The following PGAP3 variants were observed in gnomAD, a reference collection of about 807,000 sequenced individuals.
PGAP3 encodes GPI-specific phospholipase A2-like PGAP3.
A neutral mutation model predicts 40.3 loss-of-function variants in PGAP3; 31 were observed. That is an observed-to-expected ratio of 0.77 (90% CI 0.58 to 1.04). PGAP3 has a LOEUF of 1.04. Among genes scored for constraint, PGAP3 ranks in the 50% least tolerant of loss-of-function variants. The pLI is 0.00. For synonymous variants in PGAP3, 191 were observed against 184.5 expected (o/e 1.04, Z -0.29); for missense variants, 413 against 423.0 (o/e 0.98, Z 0.21).
intron 2 of PGAP3, 83 bp downstream of exon 2, chr17:39,685,839 T>A: frequency 7.7e-7 from 1 of 1,292,540 alleles, no homozygotes; most frequent in Admixed American, 1.9e-5. Flanking sequence ...TGCCTCAGAC[T>A]GCTTGGACAG....
intron 3 of PGAP3, among the ~76,000 whole-genome samples, chr17:39,678,201 T>C (rs560329393): frequency 6.6e-6 from 1 of 152,332 alleles, no homozygotes; most frequent in African/African-American, 2.4e-5. Flanking sequence ...ATCATTCTAC[T>C]ACAGCTGCAA....
chr17:39,684,495 G>C (rs2057482593), intron 3 of PGAP3, 102 bp downstream of exon 3: 1 of 1,361,508 alleles, frequency 7.3e-7, no homozygotes. Flanking sequence ...GGGAAACAGA[G>C]GGGAAGCTGG....
chr17:39,686,590 C>T (rs1327748617), intron 1 of PGAP3, among the ~76,000 whole-genome samples: 2 of 133,220 alleles, frequency 1.5e-5, no homozygotes, highest in Admixed American at 8.1e-5. Context: ...GACAGGGTCT[C>T]GCTCTTTCAT....
At chr17:39,676,954 T>C (rs2057382709) in intron 3 of PGAP3, among the ~76,000 whole-genome samples, 1 of 152,172 alleles carries the variant, frequency 6.6e-6, no homozygotes, top group Non-Finnish European at 1.5e-5. Flanking sequence ...CAAGGATGTT[T>C]AGGCAGATAA....
Position 39,684,615 on chromosome 17 carries a change from G to A in PGAP3, c.414C>T (p.Thr138=), listed in dbSNP as rs561087804. ...FVPASSPMYH[T]CVAFAWVSLN... is the part of the protein sequence containing the mutation. ...TACCTACCCAGGCGAAGGCCACACA[G>A]GTGTGGTACATGGGGGAGGAGGCTG... is the stretch of plus-strand genomic sequence containing the variant. The change falls in exon 3 of 8, where the codon ACC becomes ACT. Residue 138 remains threonine, a synonymous_variant. Transcript: ENST00000300658. The A allele has an allele frequency of 6.2e-7, 1 of 1,613,560 alleles. No homozygotes were observed. The highest frequency in any genetic ancestry group is 8.5e-7 in the Non-Finnish European group (1 of 1,179,780).
At chr17:39,687,383 A>G (rs2145159331) in intron 1 of PGAP3, among the ~76,000 whole-genome samples, 1 of 152,330 alleles carries the variant, frequency 6.6e-6, no homozygotes, top group East Asian at 1.9e-4. Context: ...GTACCAGTCC[A>G]AAGTCCCTCC....
chr17:39,681,943 G>A (rs551109840), intron 3 of PGAP3, among the ~76,000 whole-genome samples: 13 of 151,872 alleles, frequency 8.6e-5, no homozygotes, highest in African/African-American at 1.9e-4. Flanking sequence ...GATGTGGGCC[G>A]GGCGCAGTGG....
intron 4 of PGAP3, 144 bp downstream of exon 4, chr17:39,674,473 C>A: frequency 1.2e-6 from 1 of 844,024 alleles, no homozygotes; most frequent in Non-Finnish European, 1.8e-6. Context: ...GGATCAAGGG[C>A]ACCAACAGGT....
Position 39,672,715 on chromosome 17 carries a change from G to A in PGAP3, c.*88C>T, listed in dbSNP as rs1374509327. On this transcript the variant is annotated 3_prime_UTR_variant, in exon 8 of 8. Transcript: ENST00000300658. ...ATGTCCAAGTTCAAGAAGTTGAAAA[G>A]AGAAAATCATCTCAAGGGTTGAGGG... 4.5e-5 allele frequency: 60 copies of A among 1,343,756 alleles called. No individual in the cohort carries two copies. The South Asian group carries it at 6.8e-4, about 15-fold the overall frequency. The allele number at this position is 1,343,756 out of a possible 1,614,324, so 83.2% of individuals were successfully genotyped here.
chr17:39,682,163 T>C (rs560445442), intron 3 of PGAP3, among the ~76,000 whole-genome samples: 1 of 134,450 alleles, frequency 7.4e-6, no homozygotes, highest in South Asian at 2.4e-4. Context: ...AAGGCAGAGC[T>C]TGCAGTGGGC....
chr17:39,673,683 G>C, intron 5 of PGAP3, 33 bp from the exon 6 acceptor site: 1 of 1,610,388 alleles, frequency 6.2e-7, no homozygotes, highest in East Asian at 2.2e-5. Context: ...TCAGAGGGCA[G>C]GTGGCCCATC....
chr17:39,677,474 C>A (rs533073227), intron 3 of PGAP3, among the ~76,000 whole-genome samples: 3 of 152,272 alleles, frequency 2.0e-5, no homozygotes, highest in African/African-American at 7.2e-5. Context: ...GTGAACCGAA[C>A]AGATCCATTT....
intron 3 of PGAP3, among the ~76,000 whole-genome samples, chr17:39,675,913 G>C (rs1567873105): frequency 6.6e-6 from 1 of 152,186 alleles, no homozygotes; most frequent in Non-Finnish European, 1.5e-5. Flanking sequence ...CTGGTCAAAG[G>C]GCCCTGCCCT....
chr17:39,676,323 C>A (rs1289596448), intron 3 of PGAP3, among the ~76,000 whole-genome samples: 1 of 152,162 alleles, frequency 6.6e-6, no homozygotes, highest in Non-Finnish European at 1.5e-5. Flanking sequence ...AGGAAGGCGG[C>A]AGGGACTGGC....
rs867140613 is a variant in PGAP3 at position 39,676,420 on chromosome 17, G to A, written c.433-1741C>T. ...ACTGAGCTAAGTGGCTCAGAACACC[G>A]AAAGCAGGGGGTGTGTGTGCGGGCA... On this transcript the variant is annotated intron_variant, in intron 3 of 7. Transcript: ENST00000300658. Among the ~76,000 whole-genome samples the A allele has an allele frequency of 5.3e-5, 8 of 152,258 alleles. No individual in the cohort carries two copies. In the East Asian group the frequency reaches 7.7e-4, roughly 15 times the overall value.
At chr17:39,685,484 T>A (rs1439553732) in intron 2 of PGAP3, among the ~76,000 whole-genome samples, 1 of 138,192 alleles carries the variant, frequency 7.2e-6, no homozygotes. Flanking sequence ...AGAGGGAGAC[T>A]CCATCTCAAA....
chr17:39,675,580 TGGC>T (rs140173647), intron 3 of PGAP3, among the ~76,000 whole-genome samples: 75 of 152,096 alleles, frequency 4.9e-4, no homozygotes, highest in African/African-American at 1.7e-3. Context: ...GGGACAGGCC[TGGC>T]GGAGATGAGG....
At chr17:39,672,941 C>A in intron 7 of PGAP3, 75 bp from the exon 8 acceptor site, 1 of 1,587,170 alleles carries the variant, frequency 6.3e-7, no homozygotes, top group Admixed American at 1.7e-5. Context: ...GGGGTGCATG[C>A]AGGCAAGGTG....
At chr17:39,674,715 C>A (rs753811430) in intron 3 of PGAP3, 36 bp from the exon 4 acceptor site, 56 of 1,529,798 alleles carry the variant, frequency 3.7e-5, no homozygotes, top group African/African-American at 1.5e-4. Context: ...TGCTGCCCCC[C>A]ACCCTGACCT....
Sources: allele counts gnomAD v4.1 joint callset (sites outside exome capture counted in the v4.1 genomes callset), GRCh38; gene constraint gnomAD v4.1.1; transcripts MANE v1.5; gene names NCBI Gene and HGNC (gene_info 2026-07-23, HGNC 2026-07-21).